Variants in KLHL13 observed in about 807,000 individuals in gnomAD.
The protein encoded by KLHL13 is kelch-like protein 13.
A neutral mutation model predicts 37.1 loss-of-function variants in KLHL13; 10 were observed. That is an observed-to-expected ratio of 0.27 (90% CI 0.17 to 0.46). The LOEUF (loss-of-function observed/expected upper bound fraction) is 0.46, where lower values mean the gene tolerates loss of function less well. KLHL13 is among the 20% of genes least tolerant of loss of function. The pLI, the probability that KLHL13 is intolerant of heterozygous loss-of-function variation, is 1.00. For synonymous variants in KLHL13, 163 were observed against 181.2 expected (o/e 0.90, Z 0.81); for missense variants, 360 against 509.3 (o/e 0.71, Z 2.82).
At chrX:118,021,387 C>T (rs1355338310) in intron 1 of KLHL13, among the ~76,000 whole-genome samples, 1 of 106,989 alleles carries the variant, frequency 9.3e-6, no homozygotes, top group African/African-American at 3.4e-5. Context: ...TATCCCTCCC[C>T]CCTACCCTTA....
chrX:117,906,028 C>T (rs1485730210), intron 5 of KLHL13, among the ~76,000 whole-genome samples: 1 of 111,431 alleles, frequency 9.0e-6, no homozygotes. Flanking sequence ...TGTTAAATGA[C>T]TTTCCCATCA....
At chrX:117,956,356 G>C (rs1428112594) in intron 1 of KLHL13, among the ~76,000 whole-genome samples, 2 of 111,689 alleles carry the variant, frequency 1.8e-5, no homozygotes, top group Non-Finnish European at 3.8e-5. Context: ...CTCTTTAGGG[G>C]TAAGATGTTT....
At chrX:117,952,318 T>C (rs1218686711) in intron 1 of KLHL13, among the ~76,000 whole-genome samples, 1 of 111,065 alleles carries the variant, frequency 9.0e-6, no homozygotes. Context: ...ATTCCCTATT[T>C]AATAAATGGT....
chrX:118,032,499 C>G (rs1436911626), intron 1 of KLHL13, among the ~76,000 whole-genome samples: 3 of 111,624 alleles, frequency 2.7e-5, no homozygotes, highest in Non-Finnish European at 5.7e-5. Context: ...CTCACAGGGC[C>G]AGGTACTCCA....
chrX:117,936,067 C>T (rs922957344), intron 2 of KLHL13, among the ~76,000 whole-genome samples: 2 of 111,088 alleles, frequency 1.8e-5, no homozygotes, highest in Admixed American at 1.9e-4. Flanking sequence ...AGTGAATTAC[C>T]ATATGATAGG....
chrX:118,032,888 G>A (rs1326164558), intron 1 of KLHL13, among the ~76,000 whole-genome samples: 2 of 111,455 alleles, frequency 1.8e-5, no homozygotes, highest in Admixed American at 9.5e-5. Context: ...ATATAGAGAA[G>A]TGCTTAAAGG....
At chrX:117,906,511 T>C (rs1027784093) in intron 5 of KLHL13, among the ~76,000 whole-genome samples, 4 of 111,139 alleles carry the variant, frequency 3.6e-5, no homozygotes, top group African/African-American at 1.3e-4. Context: ...GAGTATAACA[T>C]AGAAAGAACT....
At chrX:117,937,770 C>T (rs1488060505) in intron 2 of KLHL13, among the ~76,000 whole-genome samples, 1 of 111,622 alleles carries the variant, frequency 9.0e-6, no homozygotes, top group Non-Finnish European at 1.9e-5. Flanking sequence ...ACAATTTACC[C>T]ATTTAAAGTG....
intron 1 of KLHL13, among the ~76,000 whole-genome samples, chrX:117,985,618 A>G (rs1158838511): frequency 2.7e-5 from 3 of 110,964 alleles, no homozygotes; most frequent in Non-Finnish European, 5.7e-5. Flanking sequence ...CAAAGTGTTC[A>G]TCTTTGGAGC....
At chrX:118,079,204 C>T (rs769699386) in intron 1 of KLHL13, among the ~76,000 whole-genome samples, 7 of 109,250 alleles carry the variant, frequency 6.4e-5, no homozygotes, top group Non-Finnish European at 1.3e-4. Context: ...TGTGAATATC[C>T]GAGAAGCGTA....
chrX:117,898,410 G>A (rs1052767798), exon 7 of KLHL13: 1 of 112,839 alleles, frequency 8.9e-6, no homozygotes, highest in Non-Finnish European at 1.9e-5. Flanking sequence ...TTTATGAAAA[G>A]AGGGAGGTAG....
chrX:118,064,239 T>TA (rs758296947), intron 1 of KLHL13, among the ~76,000 whole-genome samples: 1 of 111,948 alleles, frequency 8.9e-6, no homozygotes, highest in Admixed American at 9.5e-5. Context: ...ATTTTTCACT[T>TA]AAAAATGTGT....
chrX:117,927,070 T>C (rs1460160865), intron 2 of KLHL13, among the ~76,000 whole-genome samples: 1 of 107,924 alleles, frequency 9.3e-6, no homozygotes, highest in Non-Finnish European at 1.9e-5. Context: ...CACGCCCGGC[T>C]AATTTGTAGT....
chrX:118,053,759 C>A (rs2054643737), intron 1 of KLHL13, among the ~76,000 whole-genome samples: 1 of 97,509 alleles, frequency 1.0e-5, no homozygotes, highest in Non-Finnish European at 2.0e-5. Context: ...GATGTCCAAT[C>A]TCAATTTGTG....
At chrX:117,945,148 AC>A (rs1320974809) in intron 2 of KLHL13, among the ~76,000 whole-genome samples, 1 of 111,722 alleles carries the variant, frequency 9.0e-6, no homozygotes, top group Non-Finnish European at 1.9e-5. Flanking sequence ...TACAAACCAA[AC>A]AAAAAATTGA....
At chrX:118,003,656 T>C (rs899471516) in intron 1 of KLHL13, among the ~76,000 whole-genome samples, 2 of 110,378 alleles carry the variant, frequency 1.8e-5, no homozygotes, top group Admixed American at 9.8e-5. Flanking sequence ...ATCTCATAAA[T>C]TATAATTTTA....
chrX:118,089,007 A>C (rs2055085681), intron 1 of KLHL13, among the ~76,000 whole-genome samples: 1 of 111,580 alleles, frequency 9.0e-6, no homozygotes, highest in Non-Finnish European at 1.9e-5. Context: ...ACAGAAGAAG[A>C]AAAGTCTGCT....
At chrX:118,052,146 G>A (rs2054620478) in intron 1 of KLHL13, among the ~76,000 whole-genome samples, 1 of 110,993 alleles carries the variant, frequency 9.0e-6, no homozygotes, top group South Asian at 3.8e-4. Flanking sequence ...GCTATGCTGG[G>A]GAGAGGAGAT....
chrX:118,026,329 A>T (rs1386369376), intron 1 of KLHL13, among the ~76,000 whole-genome samples: 1 of 112,050 alleles, frequency 8.9e-6, no homozygotes, highest in Non-Finnish European at 1.9e-5. Flanking sequence ...GTGTATTTTG[A>T]AAAAAACTAT....
Sources: gnomAD v4.1 joint callset for allele counts (sites outside exome capture counted in the v4.1 genomes callset) on GRCh38, gnomAD v4.1.1 for gene constraint, MANE v1.5 for transcripts, NCBI Gene and HGNC (gene_info 2026-07-23, HGNC 2026-07-21) for gene names.